The following DMD variants were observed in gnomAD, a reference collection of about 807,000 sequenced individuals.
DMD encodes mutant dystrophin.
A neutral mutation model predicts 330.1 loss-of-function variants in DMD; 63 were observed. The ratio of observed to expected loss-of-function variants is 0.19; its 90% CI spans 0.16 to 0.24. DMD has a LOEUF of 0.24. Ranked by LOEUF, DMD falls within the 10% of genes least tolerant of loss-of-function variation. DMD has a pLI of 1.00. For synonymous variants in DMD, 1,223 were observed against 959.8 expected, an observed-to-expected ratio of 1.27 and a Z score of -5.07; for missense variants, 3,344 against 2,684.1, an observed-to-expected ratio of 1.25 and a Z score of -5.43.
intron 2 of DMD, among the ~76,000 whole-genome samples, chrX:33,004,333 C>G (rs1482337326): frequency 9.0e-6 from 1 of 111,376 alleles, no homozygotes; most frequent in Admixed American, 9.6e-5. Context: ...CACTATGTTC[C>G]TTGGCCAGGA....
intron 9 of DMD, among the ~76,000 whole-genome samples, chrX:32,696,283 T>G (rs1194827841): frequency 8.9e-6 from 1 of 111,989 alleles, no homozygotes; most frequent in Non-Finnish European, 1.9e-5. Context: ...GTGTGAATAA[T>G]TAAGGCATAC....
At chrX:32,493,139 AT>A (rs1199943790) in intron 19 of DMD, among the ~76,000 whole-genome samples, 2 of 111,769 alleles carry the variant, frequency 1.8e-5, no homozygotes, top group South Asian at 3.7e-4. Context: ...ACTAAAAAAA[AT>A]ATAGATGTGA....
chrX:31,350,162 G>A (rs2058315321), intron 60 of DMD, among the ~76,000 whole-genome samples: 2 of 111,027 alleles, frequency 1.8e-5, no homozygotes, highest in South Asian at 7.8e-4. Flanking sequence ...AACTCTACCT[G>A]CTAAGCCCAC....
chrX:32,407,213 C>T (rs12383868), intron 30 of DMD, among the ~76,000 whole-genome samples: 49,493 of 109,589 alleles, frequency 0.45, 8,619 homozygotes, highest in East Asian at 0.73. Context: ...AGAAGATTTT[C>T]GCAACCTACT....
At chrX:32,755,874 T>C (rs1336836226) in intron 7 of DMD, among the ~76,000 whole-genome samples, 1 of 112,090 alleles carries the variant, frequency 8.9e-6, no homozygotes, top group Non-Finnish European at 1.9e-5. Flanking sequence ...CTATATTAAC[T>C]GCTCCACTGG....
chrX:32,438,747 A>ACTCT (rs1230569935), intron 28 of DMD, among the ~76,000 whole-genome samples: 2 of 111,739 alleles, frequency 1.8e-5, no homozygotes, highest in Non-Finnish European at 3.8e-5. Flanking sequence ...GAAAAAGAGT[A>ACTCT]CTCTCTCAAG....
intron 55 of DMD, among the ~76,000 whole-genome samples, chrX:31,547,288 A>C (rs5971579): frequency 0.12 from 13,176 of 111,859 alleles, 791 homozygotes; most frequent in African/African-American, 0.21. Context: ...AAAGCTGGTT[A>C]TAATGAAATG....
rs528423217 is a variant in DMD at position 32,256,452 on chromosome X, T to C, written c.6290+31077A>G. Among the ~76,000 whole-genome samples the C allele has an allele frequency of 2.1e-3, 235 of 111,086 alleles. 1 individual carries two copies. Among genetic ancestry groups the C allele is most frequent in the African/African-American group, 7.4e-3 (225 of 30,501 alleles). The stretch of plus-strand genomic sequence containing the variant: ...CCTGAATACACCACACTGATGGTCC[T>C]GACTCTTTATCCAATTTGCCAGTCT... On this transcript the variant is annotated intron_variant, in intron 43 of 78. Coordinates refer to ENST00000357033, the MANE Select transcript of DMD (RefSeq NM_004006.3).
At chrX:32,949,531 A>G (rs1004581147) in intron 2 of DMD, among the ~76,000 whole-genome samples, 1 of 110,903 alleles carries the variant, frequency 9.0e-6, no homozygotes, top group African/African-American at 3.3e-5. Context: ...CTTACACATA[A>G]ATATGAACGA....
intron 7 of DMD, among the ~76,000 whole-genome samples, chrX:32,764,803 G>A (rs1359443665): frequency 9.0e-6 from 1 of 111,291 alleles, no homozygotes; most frequent in East Asian, 2.8e-4. Flanking sequence ...TATATTCCCA[G>A]AAGTGGAATT....
intron 1 of DMD, among the ~76,000 whole-genome samples, chrX:33,278,319 C>T (rs2053268781): frequency 9.0e-6 from 1 of 110,809 alleles, no homozygotes; most frequent in Non-Finnish European, 1.9e-5. Context: ...AGCTTTTCAG[C>T]CTTTGCCCCT....
intron 53 of DMD, among the ~76,000 whole-genome samples, chrX:31,675,961 T>C (rs757706292): frequency 1.1e-3 from 125 of 112,507 alleles, no homozygotes; most frequent in African/African-American, 4.0e-3. Flanking sequence ...GGTAATTTTC[T>C]TTTTACGTTC....
intron 7 of DMD, among the ~76,000 whole-genome samples, chrX:32,735,213 G>A (rs1290112685): frequency 9.2e-6 from 1 of 108,933 alleles, no homozygotes; most frequent in African/African-American, 3.4e-5. Context: ...TACAAGGGAT[G>A]TGAAGGACCT....
chrX:31,847,804 T>C (rs887816839), intron 48 of DMD, among the ~76,000 whole-genome samples: 1 of 112,162 alleles, frequency 8.9e-6, no homozygotes, highest in Admixed American at 9.5e-5. Flanking sequence ...ACTGCTGTGA[T>C]AATATTAACA....
chrX:31,770,507 G>A (rs780419238), intron 51 of DMD, among the ~76,000 whole-genome samples: 7 of 111,836 alleles, frequency 6.3e-5, no homozygotes, highest in African/African-American at 1.3e-4. Context: ...TGCCCTTCTC[G>A]TTTTATCTAG....
At chrX:33,019,745 C>T (rs899260549) in intron 2 of DMD, among the ~76,000 whole-genome samples, 1 of 111,345 alleles carries the variant, frequency 9.0e-6, no homozygotes, top group Non-Finnish European at 1.9e-5. Flanking sequence ...AATTATATTG[C>T]TTTTCTTGAA....
chrX:32,545,106 G>A, intron 17 of DMD, 53 bp downstream of exon 17: 2 of 1,141,551 alleles, frequency 1.8e-6, no homozygotes, highest in East Asian at 3.0e-5. Context: ...CAAAACTGCT[G>A]TAAATGAGTT....
intron 2 of DMD, among the ~76,000 whole-genome samples, chrX:32,982,442 A>C (rs1287036484): frequency 8.9e-6 from 1 of 112,016 alleles, no homozygotes; most frequent in East Asian, 2.8e-4. Context: ...TACCAAGAAT[A>C]TTTATAATAT....
intron 43 of DMD, among the ~76,000 whole-genome samples, chrX:32,284,665 G>C (rs2097432905): frequency 8.9e-6 from 1 of 112,047 alleles, no homozygotes; most frequent in African/African-American, 3.2e-5. Context: ...GAAATGTATG[G>C]AGCAGAAGAT....
Sources: allele counts gnomAD v4.1 joint callset (sites outside exome capture counted in the v4.1 genomes callset), GRCh38; gene constraint gnomAD v4.1.1; transcripts MANE v1.5; gene names NCBI Gene and HGNC (gene_info 2026-07-23, HGNC 2026-07-21).